Variants in CDON observed in about 807,000 individuals in gnomAD.
The protein encoded by CDON is cell adhesion associated, oncogene regulated, also known as cell adhesion molecule-related/down-regulated by oncogenes.
CDON carries 73 observed loss-of-function variants against 120.9 expected under a neutral mutation model. The observed-to-expected ratio is 0.60, with a 90% CI of 0.50 to 0.73. The LOEUF (loss-of-function observed/expected upper bound fraction) is 0.73. Ranked by LOEUF, CDON falls within the 30% of genes least tolerant of loss-of-function variation. The pLI is 0.00. For missense variants in CDON, 1,470 were observed against 1,587.3 expected (o/e 0.93, Z 1.26); for synonymous variants, 566 against 573.5 (o/e 0.99, Z 0.19).
At chr11:125,968,472 T>C (rs1945867533) in intron 18 of CDON, among the ~76,000 whole-genome samples, 1 of 152,100 alleles carries the variant, frequency 6.6e-6, no homozygotes, top group Admixed American at 6.5e-5. Context: ...CAACCACAAG[T>C]GTGGTTATCA....
Position 125,983,865 on chromosome 11 carries a change from G to A in CDON, c.2995+7C>T. The A allele has an allele frequency of 6.2e-7, 1 of 1,600,134 alleles. No individual in the cohort carries two copies. The highest frequency in any genetic ancestry group is 8.6e-7 in the Non-Finnish European group (1 of 1,167,778). On this transcript the variant is annotated splice_region_variant and intron_variant, in intron 16 of 19. Coordinates refer to ENST00000531738, the MANE Select transcript of CDON (RefSeq NM_001378964.1). ...AAAAGAGAAGGAGATATTTATGAGT[G>A]ACTTACTTTGTATGGTATTCTGCTG...
At chr11:125,966,451 T>C (rs981078413) in intron 18 of CDON, among the ~76,000 whole-genome samples, 1 of 151,730 alleles carries the variant, frequency 6.6e-6, no homozygotes, top group Non-Finnish European at 1.5e-5. Context: ...GGATGGAAAA[T>C]ATGAAAGCAG....
intron 1 of CDON, among the ~76,000 whole-genome samples, chr11:126,057,532 G>A (rs1591441003): frequency 6.6e-6 from 1 of 152,156 alleles, no homozygotes; most frequent in South Asian, 2.1e-4. Context: ...GCTGCTGCCT[G>A]CTAGCAAGAG....
intron 1 of CDON, among the ~76,000 whole-genome samples, 180 bp from the exon 2 acceptor site, chr11:126,023,717 G>A (rs1555130941): frequency 4.6e-5 from 7 of 152,178 alleles, no homozygotes; most frequent in Non-Finnish European, 8.8e-5. Flanking sequence ...ACTAGAGCTA[G>A]AAGTTTTGCT....
At chr11:126,011,016 T>C (rs1490956020) in intron 7 of CDON, 1 of 424,466 alleles carries the variant, frequency 2.4e-6, no homozygotes, top group Non-Finnish European at 4.6e-6. Context: ...ACATATAAGG[T>C]TGAAACCTCA....
intron 1 of CDON, among the ~76,000 whole-genome samples, chr11:126,057,451 C>T (rs1364864455): frequency 6.6e-6 from 1 of 152,194 alleles, no homozygotes; most frequent in East Asian, 1.9e-4. Flanking sequence ...CATAAGACTA[C>T]ATACTGTAGG....
chr11:125,989,659 A>G lies in CDON; in HGVS notation c.2751T>C (p.Asn917=). 5 of 1,613,580 alleles carry G rather than the reference A, an allele frequency of 3.1e-6. No homozygotes were observed. The highest frequency in any genetic ancestry group is 4.2e-6 in the Non-Finnish European group (5 of 1,179,604). ...FNEGGESEFS[N]VMICETKVKR... ...TACCTTTAGTCTCGCAGATCATCACATTGCTAAATTCACTTTCTCCTCCTT... is the reference window on the plus strand; with the variant it reads ...TACCTTTAGTCTCGCAGATCATCACGTTGCTAAATTCACTTTCTCCTCCTT... The change falls in exon 15 of 20, where the codon AAT becomes AAC. Residue 917 remains asparagine, a synonymous_variant. Transcript: ENST00000531738.
In CDON at chr11:125,985,908, C is replaced by T. The variant is rs142275063; in HGVS notation, c.2774-1815G>A. Among the ~76,000 whole-genome samples, 603 of 152,156 alleles carry T rather than the reference C, an allele frequency of 4.0e-3. 3 individuals are homozygous for T. Among genetic ancestry groups the T allele is most frequent in the African/African-American group, 7.7e-3 (320 of 41,500 alleles). ...TCAACCATTCTGGAAGACAGTGTGG[C>T]GATTACTCAAGGATCTAGAAATAGA... is the stretch of plus-strand genomic sequence containing the variant. On this transcript the variant is annotated intron_variant, in intron 15 of 19. Transcript: ENST00000531738.
At chr11:126,028,686 A>C (rs571542583) in intron 1 of CDON, among the ~76,000 whole-genome samples, 1 of 151,616 alleles carries the variant, frequency 6.6e-6, no homozygotes, top group African/African-American at 2.4e-5. Flanking sequence ...TTCATAAATA[A>C]AACTTTTAAC....
rs199880115 is a variant in CDON, at chr11:126,010,647, C to T, written c.1246G>A (p.Val416Ile). The change falls in exon 8 of 20, where the codon GTT (valine) becomes ATT (isoleucine). Residue 416 changes from valine (V) to isoleucine (I), a missense_variant. Coordinates refer to ENST00000531738, the MANE Select transcript of CDON (RefSeq NM_001378964.1). ...AGAGTAACAAAGTCTCCGTCTGCAACCTTTGCACTTACTGGTGCCGTAATT... is the reference window on the plus strand; with the variant it reads ...AGAGTAACAAAGTCTCCGTCTGCAATCTTTGCACTTACTGGTGCCGTAATT... ...VIITAPVSAK[V>I]ADGDFVTLSC... 1 of 1,614,062 alleles carries T rather than the reference C, an allele frequency of 6.2e-7. No individual in the cohort carries two copies. The highest frequency in any genetic ancestry group is 1.3e-5 in the African/African-American group (1 of 74,942).
intron 15 of CDON, among the ~76,000 whole-genome samples, chr11:125,985,195 G>C (rs540729244): frequency 2.6e-5 from 4 of 151,992 alleles, no homozygotes; most frequent in Non-Finnish European, 5.9e-5. Context: ...TATTTTTTGA[G>C]ACAAAGTCTC....
intron 13 of CDON, 99 bp downstream of exon 13, chr11:125,994,772 T>C: frequency 9.3e-7 from 1 of 1,080,738 alleles, no homozygotes; most frequent in South Asian, 1.3e-5. Context: ...CAATTAAAAG[T>C]TCAAAATTTG....
At chr11:126,008,365 T>A (rs1404178230) in intron 8 of CDON, among the ~76,000 whole-genome samples, 1 of 152,156 alleles carries the variant, frequency 6.6e-6, no homozygotes. Context: ...TGAGTTTTAA[T>A]AAACTCGGTT....
chr11:125,989,975 T>C (rs1240199583), intron 14 of CDON, among the ~76,000 whole-genome samples: 3 of 152,128 alleles, frequency 2.0e-5, no homozygotes, highest in Non-Finnish European at 4.4e-5. Flanking sequence ...AGAGAGGAGA[T>C]AAACTGACCT....
At chr11:126,010,754 A>G in intron 7 of CDON, 60 bp from the exon 8 acceptor site, 1 of 1,341,086 alleles carries the variant, frequency 7.5e-7, no homozygotes, top group South Asian at 1.2e-5. Context: ...TACGATGCAA[A>G]ACAACTTCAT....
At chr11:126,045,398 CT>C (rs1420841529) in intron 1 of CDON, among the ~76,000 whole-genome samples, 2 of 152,030 alleles carry the variant, frequency 1.3e-5, no homozygotes, top group African/African-American at 4.8e-5. Context: ...GGTAATCATG[CT>C]TAATATCAAA....
intron 18 of CDON, among the ~76,000 whole-genome samples, chr11:125,967,264 C>A (rs914193873): frequency 1.3e-5 from 2 of 152,214 alleles, no homozygotes; most frequent in African/African-American, 4.8e-5. Flanking sequence ...TCACATTAAA[C>A]TCTAACTAAT....
intron 15 of CDON, among the ~76,000 whole-genome samples, chr11:125,986,310 T>C (rs1418526233): frequency 6.6e-6 from 1 of 151,374 alleles, no homozygotes; most frequent in Admixed American, 6.6e-5. Flanking sequence ...GGGGAGGGGA[T>C]GTGGGAGGGG....
rs183710024 is a variant in CDON, at chr11:125,988,216, A to C, written c.2773+1421T>G. On this transcript the variant is annotated intron_variant, in intron 15 of 19. Transcript: ENST00000531738. ...TGAGACTGGTGGGAAGATCTAGTAGAGGACGTTGGGGGAAATTTTCCTTGT... is the reference window on the plus strand; with the variant it reads ...TGAGACTGGTGGGAAGATCTAGTAGCGGACGTTGGGGGAAATTTTCCTTGT... Among the ~76,000 whole-genome samples, 182 of 152,210 alleles carry C rather than the reference A, an allele frequency of 1.2e-3. 2 individuals are homozygous for C. Among genetic ancestry groups the C allele is most frequent in the African/African-American group, 4.1e-3 (172 of 41,518 alleles).
Sources: allele counts gnomAD v4.1 joint callset (sites outside exome capture counted in the v4.1 genomes callset), GRCh38; gene constraint gnomAD v4.1.1; transcripts MANE v1.5; gene names NCBI Gene and HGNC (gene_info 2026-07-23, HGNC 2026-07-21).